The following CEP135 variants were observed in gnomAD, a reference collection of about 807,000 sequenced individuals.
CEP135 encodes the protein centrosomal protein of 135 kDa.
In CEP135, 142 loss-of-function variants were observed where a neutral mutation model predicts 157.3. The observed-to-expected ratio is 0.90, with a 90% CI of 0.79 to 1.04. The LOEUF (loss-of-function observed/expected upper bound fraction) is 1.04, where lower values mean the gene tolerates loss of function less well. CEP135 is among the 50% of genes least tolerant of loss of function. CEP135 has a pLI of 0.00. For synonymous variants in CEP135, 396 were observed against 439.8 expected, an observed-to-expected ratio of 0.90 and a Z score of 1.25; for missense variants, 1,317 against 1,309.2, an observed-to-expected ratio of 1.01 and a Z score of -0.09.
intron 17 of CEP135, among the ~76,000 whole-genome samples, chr4:56,007,142 C>T (rs1730375644): frequency 6.6e-6 from 1 of 152,106 alleles, no homozygotes; most frequent in Admixed American, 6.6e-5. Flanking sequence ...GATCCACCTG[C>T]CTCAGCCTCC....
chr4:55,970,845 T>C (rs956521178), intron 9 of CEP135, among the ~76,000 whole-genome samples: 16 of 152,172 alleles, frequency 1.1e-4, no homozygotes, highest in African/African-American at 3.6e-4. Flanking sequence ...AAATCCTTAG[T>C]GTCCTGGTCT....
intron 17 of CEP135, among the ~76,000 whole-genome samples, chr4:56,006,460 C>T (rs1328593882): frequency 6.6e-6 from 1 of 151,908 alleles, no homozygotes; most frequent in Admixed American, 6.6e-5. Context: ...TGTTAAATTT[C>T]TCTGATATGA....
intron 11 of CEP135, among the ~76,000 whole-genome samples, chr4:55,975,907 T>A (rs1305894075): frequency 6.6e-6 from 1 of 152,180 alleles, no homozygotes; most frequent in African/African-American, 2.4e-5. Flanking sequence ...CATAGGCTAA[T>A]GGCTGAATTT....
At chr4:55,968,519 ACAC>A (rs1329553251) in intron 8 of CEP135, among the ~76,000 whole-genome samples, 2 of 152,142 alleles carry the variant, frequency 1.3e-5, no homozygotes, top group African/African-American at 4.8e-5. Flanking sequence ...TTTCATTACA[ACAC>A]TCCTATATCT....
rs1257636652 is a variant in CEP135, at chr4:56,031,760, C to A, written c.*412C>A. ...TTTAGTTGTCATGCCTATGTTTAGACCATATCTTAATGTATTCACAAAGAA... is the reference window on the plus strand; with the variant it reads ...TTTAGTTGTCATGCCTATGTTTAGAACATATCTTAATGTATTCACAAAGAA... On this transcript the variant is annotated 3_prime_UTR_variant, in exon 26 of 26. Coordinates refer to ENST00000257287, the MANE Select transcript of CEP135 (RefSeq NM_025009.5). 4 of 152,100 alleles carry A rather than the reference C, an allele frequency of 2.6e-5. No individual in the cohort carries two copies. Among genetic ancestry groups the A allele is most frequent in the South Asian group, 2.1e-4 (1 of 4,820 alleles). 9.4% of individuals were successfully genotyped at this position (152,100 alleles called of 1,614,324 possible). A position where few individuals can be genotyped will look rare whatever the true frequency, so the allele number is the denominator to read the frequency against.
intron 21 of CEP135, among the ~76,000 whole-genome samples, chr4:56,015,320 A>C (rs1730735240): frequency 6.6e-6 from 1 of 152,210 alleles, no homozygotes; most frequent in African/African-American, 2.4e-5. Flanking sequence ...CCTTCAAGAA[A>C]AGGACAGAAT....
intron 7 of CEP135, chr4:55,964,997 G>T (rs915104605): frequency 6.6e-6 from 1 of 152,108 alleles, no homozygotes; most frequent in Non-Finnish European, 1.5e-5. Flanking sequence ...TGACAGAGTT[G>T]CCTGGGCTAC....
intron 1 of CEP135, among the ~76,000 whole-genome samples, chr4:55,950,507 G>A (rs941362327): frequency 6.6e-6 from 1 of 152,090 alleles, no homozygotes; most frequent in Non-Finnish European, 1.5e-5. Context: ...TCTTTGGGCT[G>A]AGCATATTGG....
chr4:55,958,843 G>A (rs1328809081), intron 5 of CEP135, among the ~76,000 whole-genome samples: 1 of 152,150 alleles, frequency 6.6e-6, no homozygotes, highest in Non-Finnish European at 1.5e-5. Context: ...CAGCACTTTG[G>A]TAGGCCGAGG....
At chr4:55,958,916 C>G (rs980846129) in intron 5 of CEP135, among the ~76,000 whole-genome samples, 2 of 152,146 alleles carry the variant, frequency 1.3e-5, no homozygotes, top group African/African-American at 2.4e-5. Context: ...AAAACTCTCT[C>G]TCTACAAAAA....
chr4:56,009,415 G>A (rs991949881), intron 18 of CEP135, among the ~76,000 whole-genome samples: 36 of 152,162 alleles, frequency 2.4e-4, no homozygotes, highest in Admixed American at 5.9e-4. Context: ...GCCCGCCTCG[G>A]CCTCCCAAAG....
chr4:55,983,037 C>A (rs962181368), intron 13 of CEP135, among the ~76,000 whole-genome samples: 1 of 152,110 alleles, frequency 6.6e-6, no homozygotes, highest in African/African-American at 2.4e-5. Flanking sequence ...TAAGCATAGT[C>A]TTTATGTCAC....
chr4:56,025,982 G>A (rs1731146310), intron 25 of CEP135, among the ~76,000 whole-genome samples: 1 of 152,022 alleles, frequency 6.6e-6, no homozygotes, highest in South Asian at 2.1e-4. Context: ...GCCGAGGCGG[G>A]TGGATCACTT....
rs759324069 is a variant in CEP135, at chr4:55,999,641, A to C, written c.2276A>C (p.Asn759Thr). The C allele has an allele frequency of 5.9e-5, 93 of 1,585,508 alleles. No homozygotes were observed. Among genetic ancestry groups the C allele is most frequent in the Non-Finnish European group, 7.8e-5 (91 of 1,173,456 alleles). The part of the protein sequence containing the change: ...KIANLQENLA[N>T]KEKAVAQMKI... ...GCAAATTTGCAAGAAAACCTAGCTA[A>C]TAAAGTATGTGATCGTTTAATGTAA... Residue 759 changes from asparagine (N) to threonine (T), a missense_variant, in exon 17 of 26, where the codon AAT becomes ACT. Transcript: ENST00000257287.
At chr4:56,009,235 C>T (rs1184234807) in intron 18 of CEP135, among the ~76,000 whole-genome samples, 1 of 152,178 alleles carries the variant, frequency 6.6e-6, no homozygotes, top group East Asian at 1.9e-4. Context: ...GATCTCGGCT[C>T]ATTGCAAGCT....
chr4:56,009,149 G>GT (rs1447867732), intron 18 of CEP135, among the ~76,000 whole-genome samples: 5 of 151,658 alleles, frequency 3.3e-5, no homozygotes, highest in Non-Finnish European at 7.4e-5. Flanking sequence ...CTATTCAACT[G>GT]TTTTTGTTGT....
Position 56,019,497 on chromosome 4 carries a change from G to T in CEP135, c.3157G>T (p.Glu1053Ter), listed in dbSNP as rs781300766. The change falls in exon 23 of 26, where the codon GAG (glutamate) becomes TAG (stop). Residue 1053 changes from glutamate (E) to a stop codon, truncating the protein, a stop_gained. Coordinates refer to ENST00000257287, the MANE Select transcript of CEP135 (RefSeq NM_025009.5). LOFTEE classifies it high-confidence loss of function. Reference protein sequence around the residue: ...KEFHSHLTSHEKDTEIQLLKE... With the variant: ...KEFHSHLTSH ...ATTTCATTCTCACTTAACCTCCCAC[G>T]AGAAGGATACAGAAATCCAGCTACT... 6 of 1,614,014 alleles carry T rather than the reference G, an allele frequency of 3.7e-6. No homozygotes were observed. The South Asian group carries it at 6.6e-5, about 18-fold the overall frequency.
intron 17 of CEP135, among the ~76,000 whole-genome samples, chr4:56,004,239 T>G (rs1183253183): frequency 2.6e-5 from 4 of 152,256 alleles, no homozygotes; most frequent in Non-Finnish European, 5.9e-5. Flanking sequence ...CTCTTATTGA[T>G]TTCTAGTTTT....
chr4:55,966,367 CT>C (rs1728845049), intron 8 of CEP135: 1 of 154,386 alleles, frequency 6.5e-6, no homozygotes, highest in South Asian at 2.0e-4. Flanking sequence ...AATTTTTGTA[CT>C]TTTAGTAGAG....
Sources: allele counts gnomAD v4.1 joint callset (sites outside exome capture counted in the v4.1 genomes callset), GRCh38; gene constraint gnomAD v4.1.1; transcripts MANE v1.5; gene names NCBI Gene and HGNC (gene_info 2026-07-23, HGNC 2026-07-21).